The following DLGAP2 variants were observed in gnomAD, a reference collection of about 807,000 sequenced individuals.
The protein encoded by DLGAP2 is disks large-associated protein 2.
DLGAP2 carries 26 observed loss-of-function variants against 100.3 expected under a neutral mutation model. The ratio of observed to expected loss-of-function variants is 0.26; its 90% confidence interval spans 0.19 to 0.36. The LOEUF (loss-of-function observed/expected upper bound fraction) is 0.36. Ranked by LOEUF, DLGAP2 falls within the 10% of genes least tolerant of loss-of-function variation. The probability of loss-of-function intolerance (pLI) is 1.00; values close to 1 mark genes in which losing one functional copy is unlikely to be tolerated. For missense variants in DLGAP2, 1,858 were observed against 1,453.2 expected (o/e 1.28, Z -4.53); for synonymous variants, 886 against 630.1 (o/e 1.41, Z -6.08).
chr8:931,980 C>T (rs535525164), intron 2 of DLGAP2, among the ~76,000 whole-genome samples: 13 of 152,234 alleles, frequency 8.5e-5, no homozygotes, highest in South Asian at 2.1e-4. Flanking sequence ...GCCTCATGTA[C>T]GTTTTATTTG....
At chr8:1,200,243 A>ACTGCCTCTTTCC (rs2116755530) in intron 2 of DLGAP2, among the ~76,000 whole-genome samples, 1 of 152,146 alleles carries the variant, frequency 6.6e-6, no homozygotes, top group East Asian at 1.9e-4. Context: ...TCTTTTCCTC[A>ACTGCCTCTTTCC]CTGCCTCTTT....
In DLGAP2 at chr8:775,371, A is replaced by C. The variant is rs1351732659; in HGVS notation, c.18+37546A>C. Among the ~76,000 whole-genome samples, 221 of 150,404 alleles carry C rather than the reference A, an allele frequency of 1.5e-3. 2 individuals carry two copies. The highest frequency in any genetic ancestry group is 4.1e-3 in the African/African-American group (169 of 40,930). On this transcript the variant is annotated intron_variant, in intron 1 of 14. Transcript: ENST00000637795. ...TCTCCTGCCTAATTGCCCTGGCCAGAACTTCCAACACTGTGTTGAATAGGA... is the reference window on the plus strand; with the variant it reads ...TCTCCTGCCTAATTGCCCTGGCCAGCACTTCCAACACTGTGTTGAATAGGA...
intron 2 of DLGAP2, among the ~76,000 whole-genome samples, chr8:988,504 G>T (rs1800552058): frequency 6.6e-6 from 1 of 152,132 alleles, no homozygotes; most frequent in African/African-American, 2.4e-5. Flanking sequence ...AGTTTGTTTG[G>T]CAACAACAGG....
At chr8:1,592,449 C>G (rs555404191) in intron 6 of DLGAP2, among the ~76,000 whole-genome samples, 45 of 152,124 alleles carry the variant, frequency 3.0e-4, no homozygotes, top group African/African-American at 1.1e-3. Context: ...AAAGGGCTCC[C>G]TGAAGTGCAA....
chr8:1,134,318 G>A (rs1796358150), intron 2 of DLGAP2, among the ~76,000 whole-genome samples: 2 of 152,184 alleles, frequency 1.3e-5, no homozygotes, highest in Admixed American at 1.3e-4. Context: ...CTTAGTGGTA[G>A]AACGATGTAT....
At chr8:814,273 A>G (rs1045797157) in intron 1 of DLGAP2, among the ~76,000 whole-genome samples, 3 of 152,226 alleles carry the variant, frequency 2.0e-5, no homozygotes, top group Non-Finnish European at 4.4e-5. Context: ...AGTGCATAAG[A>G]TCAAATGGAC....
intron 2 of DLGAP2, among the ~76,000 whole-genome samples, chr8:1,190,942 C>T (rs557832690): frequency 5.3e-5 from 8 of 152,102 alleles, no homozygotes; most frequent in Non-Finnish European, 1.2e-4. Flanking sequence ...TCCCATGGTG[C>T]GACATCCCCA....
chr8:1,411,955 A>C (rs964089842), intron 3 of DLGAP2, among the ~76,000 whole-genome samples: 1 of 152,194 alleles, frequency 6.6e-6, no homozygotes, highest in African/African-American at 2.4e-5. Context: ...ACGTTCAGAC[A>C]CATGCTCCGA....
chr8:1,446,663 A>G (rs932642115), intron 3 of DLGAP2, among the ~76,000 whole-genome samples: 1 of 152,206 alleles, frequency 6.6e-6, no homozygotes, highest in African/African-American at 2.4e-5. Flanking sequence ...ATGGCATTGA[A>G]TGTATAAATT....
intron 3 of DLGAP2, among the ~76,000 whole-genome samples, chr8:1,288,483 AGTGTGTGTGT>A (rs1165190944): frequency 9.7e-6 from 1 of 102,838 alleles, no homozygotes; most frequent in Non-Finnish European, 1.8e-5. Context: ...GTTTCAGTTC[AGTGTGTGTGT>A]GTGTGTGTGT....
intron 1 of DLGAP2, among the ~76,000 whole-genome samples, chr8:894,076 C>G (rs991364681): frequency 6.6e-6 from 1 of 152,174 alleles, no homozygotes; most frequent in Non-Finnish European, 1.5e-5. Context: ...GTGCGTGAGA[C>G]GTCCTTGTGG....
chr8:1,467,229 C>G (rs1434518207), intron 3 of DLGAP2, among the ~76,000 whole-genome samples: 1 of 145,928 alleles, frequency 6.9e-6, no homozygotes, highest in Non-Finnish European at 1.5e-5. Flanking sequence ...TGTTGGATGT[C>G]ACTGAGTGTC....
intron 2 of DLGAP2, among the ~76,000 whole-genome samples, chr8:1,225,143 A>C (rs1299753930): frequency 1.3e-5 from 2 of 152,252 alleles, no homozygotes; most frequent in Non-Finnish European, 2.9e-5. Flanking sequence ...CCATGCTCAC[A>C]GCAGTGCTTG....
At chr8:1,417,727 A>ACGGGGAGGCCACACTC in intron 3 of DLGAP2, among the ~76,000 whole-genome samples, 2 of 111,510 alleles carry the variant, frequency 1.8e-5, no homozygotes, top group Admixed American at 9.1e-5. Context: ...GAGGCTCCAG[A>ACGGGGAGGCCACACTC]CACAGAAGCC....
intron 1 of DLGAP2, among the ~76,000 whole-genome samples, chr8:881,666 A>ATGTAT: frequency 2.3e-4 from 30 of 130,926 alleles, no homozygotes; most frequent in South Asian, 4.8e-4. Flanking sequence ...CTTGTGGCTG[A>ATGTAT]ACACACACAC....
At chr8:757,109 C>A (rs923103486) in intron 1 of DLGAP2, among the ~76,000 whole-genome samples, 1 of 152,172 alleles carries the variant, frequency 6.6e-6, no homozygotes, top group Non-Finnish European at 1.5e-5. Context: ...TCGTCATCAA[C>A]CCCCACCTCG....
chr8:1,211,665 C>G (rs554954877), intron 2 of DLGAP2, among the ~76,000 whole-genome samples: 1 of 152,116 alleles, frequency 6.6e-6, no homozygotes, highest in African/African-American at 2.4e-5. Context: ...CACCTGAGGT[C>G]GGGAGTTCGA....
intron 1 of DLGAP2, among the ~76,000 whole-genome samples, chr8:856,954 A>T (rs1423028874): frequency 6.6e-6 from 1 of 152,270 alleles, no homozygotes; most frequent in East Asian, 1.9e-4. Flanking sequence ...CAGAACTGAC[A>T]GTTGATCTCA....
At chr8:1,542,349 T>A (rs545978786) in intron 4 of DLGAP2, among the ~76,000 whole-genome samples, 2 of 152,232 alleles carry the variant, frequency 1.3e-5, no homozygotes, top group Non-Finnish European at 2.9e-5. Context: ...TCTAATCAAT[T>A]TAAAACATCT....
Sources: allele counts gnomAD v4.1 joint callset (sites outside exome capture counted in the v4.1 genomes callset), GRCh38; gene constraint gnomAD v4.1.1; transcripts MANE v1.5; gene names NCBI Gene and HGNC (gene_info 2026-07-23, HGNC 2026-07-21).